Variants in PDE3B observed in about 807,000 individuals in gnomAD.
The protein encoded by PDE3B is phosphodiesterase 3B.
In PDE3B, 66 loss-of-function variants were observed where a neutral mutation model predicts 116.8. The observed-to-expected ratio is 0.56, with a 90% CI of 0.46 to 0.69. The LOEUF is 0.69. PDE3B is among the 30% of genes least tolerant of loss of function. The pLI, the probability that PDE3B is intolerant of heterozygous loss-of-function variation, is 0.00. For missense variants in PDE3B, 1,384 were observed against 1,368.1 expected, an observed-to-expected ratio of 1.01 and a Z score of -0.18; for synonymous variants, 595 against 533.6, an observed-to-expected ratio of 1.12 and a Z score of -1.59.
chr11:14,825,224 C>T (rs754960613), intron 7 of PDE3B, among the ~76,000 whole-genome samples: 2 of 152,114 alleles, frequency 1.3e-5, no homozygotes, highest in South Asian at 2.1e-4. Context: ...GTAAAGCTAC[C>T]ACACAAGCTG....
chr11:14,757,023 A>G lies in PDE3B; in HGVS notation c.979-14914A>G, dbSNP rs886611131. Among the ~76,000 whole-genome samples the G allele has an allele frequency of 7.7e-5, 11 of 143,754 alleles. 1 individual carries two copies. The highest frequency in any genetic ancestry group is 4.4e-4 in the South Asian group (2 of 4,540). 94.3% of individuals were successfully genotyped at this position (143,754 alleles called of 152,430 possible). A position where few individuals can be genotyped will look rare whatever the true frequency, so the allele number is the denominator to read the frequency against. On this transcript the variant is annotated intron_variant, in intron 1 of 15. Transcript: ENST00000282096. Reference sequence around the variant, plus strand: ...TGTGTCCATGTGATCTCATTGTTCAATTCCCACCTATGAGTGAGAATATGT... The same window carrying G: ...TGTGTCCATGTGATCTCATTGTTCAGTTCCCACCTATGAGTGAGAATATGT...
chr11:14,738,628 G>A (rs200916202), intron 1 of PDE3B, among the ~76,000 whole-genome samples: 1 of 152,110 alleles, frequency 6.6e-6, no homozygotes, highest in Non-Finnish European at 1.5e-5. Flanking sequence ...TGTCAATTTT[G>A]GCTTTTGTTG....
intron 1 of PDE3B, among the ~76,000 whole-genome samples, chr11:14,709,335 GTGCACATT>G (rs530716420): frequency 1.6e-4 from 25 of 152,072 alleles, no homozygotes; most frequent in Admixed American, 1.6e-3. Context: ...GAATTTTAAC[GTGCACATT>G]TTTTTTCACA....
At chr11:14,820,629 C>T (rs1168308187) in intron 7 of PDE3B, among the ~76,000 whole-genome samples, 1 of 152,102 alleles carries the variant, frequency 6.6e-6, no homozygotes, top group African/African-American at 2.4e-5. Flanking sequence ...AAATCCTATA[C>T]CCTGATATGA....
At chr11:14,822,097 C>G (rs1859533420) in intron 7 of PDE3B, among the ~76,000 whole-genome samples, 1 of 152,022 alleles carries the variant, frequency 6.6e-6, no homozygotes, top group Admixed American at 6.5e-5. Flanking sequence ...GAGATGAGAA[C>G]TCGCTCTGTT....
rs1410235304 is a variant in PDE3B at position 14,752,742 on chromosome 11, A to T, written c.979-19195A>T. Among the ~76,000 whole-genome samples the T allele has an allele frequency of 2.6e-5, 4 of 152,224 alleles. No homozygotes were observed. In the South Asian group the frequency reaches 8.3e-4, roughly 32 times the overall value. On this transcript the variant is annotated intron_variant, in intron 1 of 15. Transcript: ENST00000282096. ...CTCCTTGATTCTGATAAGCCCTGGA[A>T]TCCTTCATTTAGGTATTACTTGTCT...
chr11:14,663,332 C>T (rs1308778471), intron 1 of PDE3B, among the ~76,000 whole-genome samples: 16 of 152,064 alleles, frequency 1.1e-4, no homozygotes, highest in African/African-American at 2.2e-4. Flanking sequence ...AAGGAACAAC[C>T]GGTACCAGCC....
rs576876063 is a variant in PDE3B at position 14,831,852 on chromosome 11, T to G, written c.2094+75T>G. ...TCTTTATAAAAAGCAAAATCTAATA[T>G]GTAATGGTTTAAGCACTAGTTCAAC... On this transcript the variant is annotated intron_variant, in intron 9 of 15. Coordinates refer to ENST00000282096, the MANE Select transcript of PDE3B (RefSeq NM_000922.4). The G allele has an allele frequency of 3.5e-3, 3,593 of 1,041,056 alleles. 43 individuals are homozygous for G. The highest frequency in any genetic ancestry group is 0.032 in the Middle Eastern group (104 of 3,262). 64.5% of individuals were successfully genotyped at this position (1,041,056 alleles called of 1,614,324 possible).
In PDE3B at chr11:14,804,017, T is replaced by A; in HGVS notation, c.1489T>A (p.Ser497Thr). 6.2e-7 allele frequency: 1 copy of A among 1,608,870 alleles called. No homozygotes were observed. The highest frequency in any genetic ancestry group is 8.5e-7 in the Non-Finnish European group (1 of 1,175,244). The stretch of plus-strand genomic sequence containing the variant: ...CCCGAAGCAAAGGTCATCTTCTGTA[T>A]CACTGACTCACCATGTAGGTCTCAG... The part of the protein sequence containing the change: ...TIPKQRSSSV[S>T]LTHHVGLRRA... The change falls in exon 5 of 16, where the codon TCA (serine) becomes ACA (threonine). Residue 497 changes from serine (S) to threonine (T), a missense_variant. By Grantham distance (58) the Ser-to-Thr change is moderately conservative (BLOSUM62 1). Transcript: ENST00000282096.
At position 14,653,824 on chromosome 11, in the gene PDE3B, C is replaced by T. The variant is rs557265283; in HGVS notation, c.978+8771C>T. On this transcript the variant is annotated intron_variant, in intron 1 of 15. Coordinates refer to ENST00000282096, the MANE Select transcript of PDE3B (RefSeq NM_000922.4). ...GACCAGCCTGGGCAACATGGCAAAA[C>T]CCTGTCTCTACAAGATACAAAATAT... Among the ~76,000 whole-genome samples the T allele has an allele frequency of 2.0e-4, 31 of 152,160 alleles. No homozygotes were observed. The South Asian group carries it at 6.2e-3, about 31-fold the overall frequency.
intron 1 of PDE3B, among the ~76,000 whole-genome samples, chr11:14,744,648 A>G (rs2133869090): frequency 6.6e-6 from 1 of 152,342 alleles, no homozygotes; most frequent in East Asian, 1.9e-4. Flanking sequence ...AATAAAATAA[A>G]TTGAGTAGTA....
In PDE3B at chr11:14,798,824, T is replaced by C. The variant is rs527948588; in HGVS notation, c.1416-5120T>C. On this transcript the variant is annotated intron_variant, in intron 4 of 15. Coordinates refer to ENST00000282096, the MANE Select transcript of PDE3B (RefSeq NM_000922.4). ...TGTGTCTATTTGATTCTTTTCTTATTCTTCCTTATTAGCCTGGCTAGTGGT... is the reference window on the plus strand; with the variant it reads ...TGTGTCTATTTGATTCTTTTCTTATCCTTCCTTATTAGCCTGGCTAGTGGT... 3.9e-5 allele frequency among the ~76,000 whole-genome samples: 6 copies of C among 152,350 alleles called. No individual in the cohort carries two copies. In the South Asian group the frequency reaches 1.2e-3, roughly 32 times the overall value.
At chr11:14,879,248 G>C in the PDE3B span, 2 of 1,613,224 alleles carry the variant, frequency 1.2e-6, no homozygotes, top group South Asian at 1.1e-5. Context: ...TGTAATTACT[G>C]TTGTGCCTTT....
chr11:14,667,660 G>A lies in PDE3B; in HGVS notation c.978+22607G>A, dbSNP rs1198820975. ...CAATGAGAACACATGGACACAGGAA[G>A]GGGAACATGACACAACGGGGACTGT... On this transcript the variant is annotated intron_variant, in intron 1 of 15. Coordinates refer to ENST00000282096, the MANE Select transcript of PDE3B (RefSeq NM_000922.4). 3.3e-5 allele frequency among the ~76,000 whole-genome samples: 5 copies of A among 151,388 alleles called. No homozygotes were observed. The East Asian group carries it at 9.8e-4, about 30-fold the overall frequency.
chr11:14,880,031 C>T, the PDE3B span: 8 of 1,114,696 alleles, frequency 7.2e-6, no homozygotes, highest in Middle Eastern at 2.0e-4. Context: ...TGGCTGGCAT[C>T]GCAGGAGTTC....
chr11:14,690,308 A>G (rs1264360207), intron 1 of PDE3B, among the ~76,000 whole-genome samples: 1 of 152,214 alleles, frequency 6.6e-6, no homozygotes, highest in Non-Finnish European at 1.5e-5. Flanking sequence ...AGTTTATGAC[A>G]TTACCAGTAG....
chr11:14,893,313 G>C, the PDE3B span, among the ~76,000 whole-genome samples: 1 of 152,160 alleles, frequency 6.6e-6, no homozygotes, highest in African/African-American at 2.4e-5. Flanking sequence ...CTGGTGGTTG[G>C]GGAGATACTT....
chr11:14,795,662 A>G (rs1270496765), intron 4 of PDE3B, among the ~76,000 whole-genome samples: 2 of 152,248 alleles, frequency 1.3e-5, no homozygotes, highest in East Asian at 3.9e-4. Context: ...GAAAGGAGAA[A>G]TCTCTCTTTG....
At chr11:14,762,357 C>A (rs1370931315) in intron 1 of PDE3B, among the ~76,000 whole-genome samples, 1 of 152,116 alleles carries the variant, frequency 6.6e-6, no homozygotes, top group Non-Finnish European at 1.5e-5. Context: ...ATCAGTACAG[C>A]TTTAGAACAT....
Sources: allele counts gnomAD v4.1 joint callset (sites outside exome capture counted in the v4.1 genomes callset), GRCh38; gene constraint gnomAD v4.1.1; transcripts MANE v1.5; gene names NCBI Gene and HGNC (gene_info 2026-07-23, HGNC 2026-07-21).